PCDHGA4: variants seen among roughly 807,000 people sequenced by gnomAD.
PCDHGA4 encodes protocadherin gamma-A4.
PCDHGA4 carries 38 observed loss-of-function variants against 54.6 expected under a neutral mutation model. The observed-to-expected ratio is 0.70, with a 90% CI of 0.54 to 0.91. The LOEUF is 0.91. Ranked by LOEUF, PCDHGA4 falls within the 40% of genes least tolerant of loss-of-function variation. PCDHGA4 has a pLI of 0.00. For synonymous variants in PCDHGA4, 511 were observed against 512.9 expected, an observed-to-expected ratio of 1.00 and a Z score of 0.05; for missense variants, 1,298 against 1,220.9, an observed-to-expected ratio of 1.06 and a Z score of -0.94.
intron 1 of PCDHGA4, chr5:141,408,050 G>C: frequency 7.9e-7 from 1 of 1,259,544 alleles, no homozygotes; most frequent in South Asian, 1.6e-5. Context: ...CCCACACAGA[G>C]CCTCCCGGCT....
rs74488479 is a variant in PCDHGA4, at chr5:141,361,383, A to G, written c.2514+3762A>G. 3.5e-3 allele frequency: 5,633 copies of G among 1,614,024 alleles called. 147 individuals carry two copies. In the East Asian group the frequency reaches 0.073, roughly 21 times the overall value. ...GCGCTCTGGACCGGGAGGAGATCCC[A>G]GAATACAATCTCACCATCACAGCCA... is the stretch of plus-strand genomic sequence containing the variant. On this transcript the variant is annotated intron_variant, in intron 1 of 3. Transcript: ENST00000571252.
At position 141,403,424 on chromosome 5, in the gene PCDHGA4, A is replaced by G. The variant is rs771429615; in HGVS notation, c.2514+45803A>G. ...AGCACGTTATCCACTTCCAGAAGCT[A>G]TTGATCCGGATGTTGGCGTGAACTC... is the stretch of plus-strand genomic sequence containing the variant. On this transcript the variant is annotated intron_variant, in intron 1 of 3. Transcript: ENST00000571252. The G allele has an allele frequency of 3.1e-6, 5 of 1,613,932 alleles. No homozygotes were observed. In the African/African-American group the frequency reaches 4.0e-5, roughly 13 times the overall value.
At position 141,422,630 on chromosome 5, in the gene PCDHGA4, G is replaced by A. The variant is rs1193466428; in HGVS notation, c.2514+65009G>A. 5 of 1,613,176 alleles carry A rather than the reference G, an allele frequency of 3.1e-6. No homozygotes were observed. The Admixed American group carries it at 8.3e-5, about 27-fold the overall frequency. On this transcript the variant is annotated intron_variant, in intron 1 of 3. Coordinates refer to ENST00000571252, the MANE Select transcript of PCDHGA4 (RefSeq NM_018917.4). ...GCCTACATTCCCGAAAACAACCCCA[G>A]GGGTGCCTCCATCTTCTCAGTGACC...
intron 2 of PCDHGA4, among the ~76,000 whole-genome samples, chr5:141,498,839 A>C (rs2099786236): frequency 6.6e-6 from 1 of 152,062 alleles, no homozygotes; most frequent in Non-Finnish European, 1.5e-5. Context: ...AGGCTGAGGC[A>C]GGGGAATCGC....
In PCDHGA4 at chr5:141,485,233, C is replaced by T; in HGVS notation, c.2515-9574C>T. 1.2e-6 allele frequency: 2 copies of T among 1,614,182 alleles called. No individual in the cohort carries two copies. The highest frequency in any genetic ancestry group is 1.7e-6 in the Non-Finnish European group (2 of 1,180,030). ...GGCGGTGGGCTACCCTTTTGTTCCTCTTTTACCACCTGGGTTACGTTTGTG... is the reference window on the plus strand; with the variant it reads ...GGCGGTGGGCTACCCTTTTGTTCCTTTTTTACCACCTGGGTTACGTTTGTG... On this transcript the variant is annotated intron_variant, in intron 1 of 3. Transcript: ENST00000571252. This position sits in a 1 kb window ranked among gnomAD's most constrained non-coding sequence, Gnocchi z 5.7.
chr5:141,364,396 G>A (rs1763298819), intron 1 of PCDHGA4: 4 of 1,604,434 alleles, frequency 2.5e-6, no homozygotes, highest in Non-Finnish European at 3.4e-6. Context: ...TCCTGGGGAC[G>A]CTGTGCGAGC....
At chr5:141,366,618 C>G (rs781279706) in intron 1 of PCDHGA4, 26 of 1,614,114 alleles carry the variant, frequency 1.6e-5, no homozygotes, top group Middle Eastern at 3.3e-4. Flanking sequence ...ACCGCGGACT[C>G]GAGGAAGAGT....
intron 1 of PCDHGA4, among the ~76,000 whole-genome samples, chr5:141,474,311 G>T (rs1374954373): frequency 1.3e-5 from 2 of 152,134 alleles, no homozygotes. Context: ...AAACTTTAAT[G>T]TGTTTTCAAA....
At chr5:141,366,925 T>G in intron 1 of PCDHGA4, 1 of 999,204 alleles carries the variant, frequency 1.0e-6, no homozygotes, top group Non-Finnish European at 1.4e-6. Context: ...TCAAATTCTG[T>G]TTTGGGAAGT....
intron 1 of PCDHGA4, chr5:141,416,273 T>C (rs891505781): frequency 8.5e-5 from 13 of 152,298 alleles, no homozygotes; most frequent in African/African-American, 3.1e-4. Flanking sequence ...CCTTTTTGCA[T>C]ACAATTCTCT....
chr5:141,390,587 A>T (rs1043489470), intron 1 of PCDHGA4: 1 of 340,604 alleles, frequency 2.9e-6, no homozygotes, highest in Non-Finnish European at 5.3e-6. Flanking sequence ...AAAGTGAATG[A>T]GATTTTTCCT....
intron 1 of PCDHGA4, chr5:141,372,188 G>A (rs771970227): frequency 1.2e-6 from 2 of 1,613,434 alleles, no homozygotes; most frequent in Admixed American, 1.7e-5. Context: ...ACGCAGACTC[G>A]GGATACAACG....
At chr5:141,413,189 G>C in intron 1 of PCDHGA4, 7 of 1,606,972 alleles carry the variant, frequency 4.4e-6, no homozygotes, top group Non-Finnish European at 6.0e-6. Context: ...GCCGCTCAAA[G>C]GAATCGCTCA....
intron 1 of PCDHGA4, chr5:141,395,088 C>T (rs778953049): frequency 4.3e-6 from 7 of 1,614,194 alleles, no homozygotes; most frequent in African/African-American, 1.3e-5. Flanking sequence ...GGAAGTCTCC[C>T]TCACCGCCGA....
At chr5:141,360,207 G>C in intron 1 of PCDHGA4, 1 of 1,613,064 alleles carries the variant, frequency 6.2e-7, no homozygotes, top group Non-Finnish European at 8.5e-7. Flanking sequence ...TGTTGTCTTT[G>C]TTCCCCGGGG....
chr5:141,468,820 C>G (rs1055751689), intron 1 of PCDHGA4, among the ~76,000 whole-genome samples: 1 of 151,830 alleles, frequency 6.6e-6, no homozygotes, highest in Non-Finnish European at 1.5e-5. Context: ...GAGCCAAGAT[C>G]AAGCCACTGC....
chr5:141,431,178 TAA>T lies in PCDHGA4; in HGVS notation c.2515-63625_2515-63624del. On this transcript the variant is annotated intron_variant, in intron 1 of 3. Transcript: ENST00000571252. This position sits in a 1 kb window ranked among gnomAD's most constrained non-coding sequence, Gnocchi z 4.8. ...TACTTTCGTGAAAGTGAATTAGAAA[TAA>T]AAATTAGTGAAAATGCAGCCACTGA... is the stretch of plus-strand genomic sequence containing the variant. 1 of 1,614,078 alleles carries T rather than the reference TAA, an allele frequency of 6.2e-7. No homozygotes were observed. Among genetic ancestry groups the T allele is most frequent in the Non-Finnish European group, 8.5e-7 (1 of 1,180,000 alleles).
Position 141,476,115 on chromosome 5 carries a change from A to G in PCDHGA4, c.2515-18692A>G. 1 of 1,592,814 alleles carries G rather than the reference A, an allele frequency of 6.3e-7. No homozygotes were observed. The highest frequency in any genetic ancestry group is 8.5e-7 in the Non-Finnish European group (1 of 1,171,734). On this transcript the variant is annotated intron_variant, in intron 1 of 3. Coordinates refer to ENST00000571252, the MANE Select transcript of PCDHGA4 (RefSeq NM_018917.4). This position sits in a 1 kb window ranked among gnomAD's most constrained non-coding sequence, Gnocchi z 7.6. ...CGCTGAGAGGAACTGCTTTTGAGTG[A>G]GATGGTCCCAGAGGCCTGGAGGAGC...
chr5:141,357,542 GC>G lies in PCDHGA4; in HGVS notation c.2437del (p.Arg813GlyfsTer11), dbSNP rs1561515145. The stretch of plus-strand genomic sequence containing the variant: ...CCCAGCTATGCAGACACGCTCATCA[GC>G]CGGGAGAGTTGTGAGAAAAGCGAGC... ...SQPSYADTLI[S>X]RESCEKSEPL... On this transcript the variant is annotated frameshift_variant, in exon 1 of 4. Transcript: ENST00000571252. LOFTEE classifies it high-confidence loss of function. The G allele has an allele frequency of 2.5e-6, 4 of 1,614,210 alleles. No homozygotes were observed. In the East Asian group the frequency reaches 8.9e-5, roughly 36 times the overall value.
Sources: gnomAD v4.1 joint callset for allele counts (sites outside exome capture counted in the v4.1 genomes callset) on GRCh38, gnomAD v4.1.1 for gene constraint, Gnocchi (gnomAD v3.1) non-coding constraint, MANE v1.5 for transcripts, NCBI Gene and HGNC (gene_info 2026-07-23, HGNC 2026-07-21) for gene names.